CDH13: variants seen among roughly 807,000 people sequenced by gnomAD.
The protein encoded by CDH13 is cadherin-13.
Under a neutral mutation model 63.8 loss-of-function variants are expected in CDH13, and 24 were observed. The observed-to-expected ratio is 0.38, with a 90% CI of 0.27 to 0.53. CDH13 has a LOEUF of 0.53. CDH13 is among the 20% of genes least tolerant of loss of function. CDH13 has a pLI of 0.85. For synonymous variants in CDH13, 503 were observed against 355.3 expected (o/e 1.42, Z -4.67); for missense variants, 1,049 against 903.1 (o/e 1.16, Z -2.07).
chr16:83,053,722 A>G lies in CDH13; in HGVS notation c.366+21504A>G, dbSNP rs147006069. Among the ~76,000 whole-genome samples, 160 of 152,326 alleles carry G rather than the reference A, an allele frequency of 1.1e-3. No homozygotes were observed. In the East Asian group the frequency reaches 0.02, roughly 19 times the overall value. Reference sequence around the variant, plus strand: ...AGACTTTAAGGAGAGAAGTATCGCTACAGATAAAGAACGCTATATCATATT... The same window carrying G: ...AGACTTTAAGGAGAGAAGTATCGCTGCAGATAAAGAACGCTATATCATATT... On this transcript the variant is annotated intron_variant, in intron 3 of 13. Coordinates refer to ENST00000567109, the MANE Select transcript of CDH13 (RefSeq NM_001257.5).
intron 6 of CDH13, among the ~76,000 whole-genome samples, chr16:83,370,191 T>A (rs2091338465): frequency 6.6e-6 from 1 of 152,104 alleles, no homozygotes; most frequent in Admixed American, 6.5e-5. Flanking sequence ...ATTGAGACCA[T>A]CCTGGCTAAC....
chr16:83,068,662 C>T (rs888543497), intron 3 of CDH13, among the ~76,000 whole-genome samples: 2 of 151,982 alleles, frequency 1.3e-5, no homozygotes, highest in African/African-American at 2.4e-5. Flanking sequence ...TCTTTAATGC[C>T]ATTAATTAAA....
At chr16:83,380,125 T>A (rs750947187) in intron 6 of CDH13, among the ~76,000 whole-genome samples, 3 of 152,022 alleles carry the variant, frequency 2.0e-5, no homozygotes, top group Non-Finnish European at 4.4e-5. Flanking sequence ...TGCGTGAGGA[T>A]GAGAGTGGTT....
rs150223221 is a variant in CDH13 at position 83,260,451 on chromosome 16, G to A, written c.636+42954G>A. Among the ~76,000 whole-genome samples, 825 of 150,896 alleles carry A rather than the reference G, an allele frequency of 5.5e-3. 12 individuals carry two copies. The highest frequency in any genetic ancestry group is 0.016 in the African/African-American group (668 of 41,416). On this transcript the variant is annotated intron_variant, in intron 5 of 13. Transcript: ENST00000567109. Reference sequence around the variant, plus strand: ...TTCTCCCCAGCACAGTCAGTTCTGCGTGGCGCAGCCATCCTACCAAGGGGA... The same window carrying A: ...TTCTCCCCAGCACAGTCAGTTCTGCATGGCGCAGCCATCCTACCAAGGGGA...
In CDH13 at chr16:83,225,210, A is replaced by C. The variant is rs780593007; in HGVS notation, c.636+7713A>C. On this transcript the variant is annotated intron_variant, in intron 5 of 13. Transcript: ENST00000567109. Reference sequence around the variant, plus strand: ...AATAATCACACTCTTGGGTATTAACATCATGGCAGCTGACCTGATCACTAA... The same window carrying C: ...AATAATCACACTCTTGGGTATTAACCTCATGGCAGCTGACCTGATCACTAA... Among the ~76,000 whole-genome samples, 95 of 152,204 alleles carry C rather than the reference A, an allele frequency of 6.2e-4. 2 individuals carry two copies. Among genetic ancestry groups the C allele is most frequent in the Non-Finnish European group, 1.5e-4 (10 of 68,038 alleles).
At chr16:82,901,069 AT>A (rs2041450199) in intron 2 of CDH13, among the ~76,000 whole-genome samples, 1 of 109,062 alleles carries the variant, frequency 9.2e-6, no homozygotes, top group South Asian at 3.8e-4. Context: ...CAAAATGTAT[AT>A]TGATTTTTTT....
At chr16:83,119,402 C>G (rs527364399) in intron 3 of CDH13, among the ~76,000 whole-genome samples, 2 of 152,258 alleles carry the variant, frequency 1.3e-5, no homozygotes, top group Admixed American at 6.5e-5. Flanking sequence ...TGCTTCACGT[C>G]CAGCAGGCTC....
Position 83,475,924 on chromosome 16 carries a change from G to T in CDH13, c.782-10553G>T, listed in dbSNP as rs1270622330. Among the ~76,000 whole-genome samples the T allele has an allele frequency of 2.0e-5, 3 of 152,078 alleles. No homozygotes were observed. In the East Asian group the frequency reaches 5.8e-4, roughly 29 times the overall value. ...TTAAAGAGCAAATTGCTGCGCCTTT[G>T]CCCTTAAATAGATATAAATGATAGC... On this transcript the variant is annotated intron_variant, in intron 6 of 13. Coordinates refer to ENST00000567109, the MANE Select transcript of CDH13 (RefSeq NM_001257.5).
intron 2 of CDH13, among the ~76,000 whole-genome samples, chr16:83,014,834 ATATATTTG>A (rs1567746029): frequency 4.2e-5 from 5 of 120,478 alleles, no homozygotes; most frequent in Non-Finnish European, 8.8e-5. Context: ...ATATTTGTAT[ATATATTTG>A]TATATATATA....
intron 2 of CDH13, among the ~76,000 whole-genome samples, chr16:83,014,720 G>C (rs1433996905): frequency 8.9e-6 from 1 of 112,838 alleles, no homozygotes; most frequent in African/African-American, 3.5e-5. Flanking sequence ...AACAGAGGGA[G>C]ACTCCATCTA....
chr16:83,334,538 G>C (rs2090551146), intron 5 of CDH13, among the ~76,000 whole-genome samples: 1 of 13,276 alleles, frequency 7.5e-5, no homozygotes, highest in Non-Finnish European at 3.9e-4. Flanking sequence ...CTCCTGGCTA[G>C]TTTAAAAAAA....
At chr16:82,632,313 A>G (rs1473217747) in intron 1 of CDH13, among the ~76,000 whole-genome samples, 1 of 152,098 alleles carries the variant, frequency 6.6e-6, no homozygotes, top group Non-Finnish European at 1.5e-5. Context: ...TCAGTGATGG[A>G]CTATTTGGAA....
intron 6 of CDH13, among the ~76,000 whole-genome samples, chr16:83,473,916 A>C (rs779556356): frequency 2.0e-4 from 30 of 152,152 alleles, no homozygotes; most frequent in Non-Finnish European, 3.8e-4. Context: ...TTGTGGGATG[A>C]TTAAATGCTT....
intron 7 of CDH13, among the ~76,000 whole-genome samples, chr16:83,566,986 G>T (rs775395916): frequency 1.3e-5 from 2 of 152,168 alleles, no homozygotes; most frequent in Non-Finnish European, 2.9e-5. Context: ...ATCCCTGGGA[G>T]ATTTACCATC....
At chr16:82,631,558 A>G (rs958428245) in intron 1 of CDH13, among the ~76,000 whole-genome samples, 1 of 152,038 alleles carries the variant, frequency 6.6e-6, no homozygotes, top group Non-Finnish European at 1.5e-5. Context: ...TGAGAATCTG[A>G]CCCTCCTGAA....
intron 2 of CDH13, among the ~76,000 whole-genome samples, chr16:82,962,263 T>G (rs542097255): frequency 5.3e-5 from 8 of 152,210 alleles, no homozygotes; most frequent in African/African-American, 1.7e-4. Flanking sequence ...AGGCAGAAAT[T>G]ACAGCAATAT....
chr16:83,010,135 C>CAAAAAAAAAAAAAAAAAAAAAAAA (rs67985333), intron 2 of CDH13, among the ~76,000 whole-genome samples: 6 of 50,118 alleles, frequency 1.2e-4, no homozygotes, highest in South Asian at 1.0e-3. Context: ...AACTCTGTCT[C>CAAAAAAAAAAAAAAAAAAAAAAAA]AAAAAAAAAA....
intron 1 of CDH13, chr16:82,823,567 A>G (rs913668158): frequency 6.6e-6 from 1 of 152,246 alleles, no homozygotes; most frequent in African/African-American, 2.4e-5. Flanking sequence ...AGTTATTTTA[A>G]AACGCAGTTA....
chr16:83,246,823 G>A (rs1012638459), intron 5 of CDH13, among the ~76,000 whole-genome samples: 18 of 152,230 alleles, frequency 1.2e-4, no homozygotes, highest in East Asian at 7.7e-4. Flanking sequence ...GGACATTGCC[G>A]TCTGTTTCCT....
Sources: gnomAD v4.1 joint callset for allele counts (sites outside exome capture counted in the v4.1 genomes callset) on GRCh38, gnomAD v4.1.1 for gene constraint, MANE v1.5 for transcripts, NCBI Gene and HGNC (gene_info 2026-07-23, HGNC 2026-07-21) for gene names.